PANX1: variants seen among roughly 807,000 people sequenced by gnomAD.
PANX1 encodes pannexin-1.
Under a neutral mutation model 38.7 loss-of-function variants are expected in PANX1, and 30 were observed. The observed-to-expected ratio is 0.78, with a 90% CI of 0.58 to 1.05. The LOEUF (loss-of-function observed/expected upper bound fraction) is 1.05. Among genes scored for constraint, PANX1 ranks in the 50% least tolerant of loss-of-function variants. The pLI is 0.00. For missense variants in PANX1, 551 were observed against 517.2 expected (o/e 1.07, Z -0.63); for synonymous variants, 230 against 212.2 (o/e 1.08, Z -0.73).
At chr11:94,159,038 T>C (rs1591516964) in intron 2 of PANX1, among the ~76,000 whole-genome samples, 3 of 152,248 alleles carry the variant, frequency 2.0e-5, no homozygotes, top group Admixed American at 2.0e-4. Flanking sequence ...TCTGTTTATA[T>C]GCTGGATTAC....
intron 2 of PANX1, among the ~76,000 whole-genome samples, chr11:94,172,902 T>C (rs547730390): frequency 2.0e-5 from 3 of 151,752 alleles, no homozygotes; most frequent in African/African-American, 7.3e-5. Flanking sequence ...TCTCCAGGGC[T>C]CTCCCCATGA....
At chr11:94,179,456 G>T in intron 3 of PANX1, 146 bp from the exon 4 acceptor site, 1 of 601,344 alleles carries the variant, frequency 1.7e-6, no homozygotes. Flanking sequence ...CTTTTAAACG[G>T]ATTTTATTTT....
intron 2 of PANX1, among the ~76,000 whole-genome samples, chr11:94,163,740 C>T (rs763068018): frequency 3.2e-4 from 49 of 152,116 alleles, no homozygotes; most frequent in Middle Eastern, 3.4e-3. Flanking sequence ...AAAATTATTC[C>T]CTCCTCTAAG....
At chr11:94,142,478 C>G (rs12294798) in intron 1 of PANX1, among the ~76,000 whole-genome samples, 3,452 of 152,302 alleles carry the variant, frequency 0.023, 90 homozygotes, top group East Asian at 0.067. Flanking sequence ...GCTCCAGACA[C>G]AGTGGTCTGC....
chr11:94,145,927 TA>T (rs1311128457), intron 1 of PANX1, among the ~76,000 whole-genome samples: 1 of 152,238 alleles, frequency 6.6e-6, no homozygotes, highest in Non-Finnish European at 1.5e-5. Flanking sequence ...TACAATTTTT[TA>T]TAAAAGATTT....
intron 1 of PANX1, among the ~76,000 whole-genome samples, chr11:94,144,598 G>C (rs1292557892): frequency 1.3e-5 from 2 of 152,136 alleles, no homozygotes; most frequent in East Asian, 3.9e-4. Context: ...CTTGGGCCTA[G>C]AGCTCGGGAC....
chr11:94,160,522 C>G (rs11499642), intron 2 of PANX1, among the ~76,000 whole-genome samples: 3,485 of 152,060 alleles, frequency 0.023, 91 homozygotes, highest in East Asian at 0.067. Flanking sequence ...TTTAAAGTCT[C>G]TTTTATCAGA....
At chr11:94,159,650 A>T (rs1248799077) in intron 2 of PANX1, among the ~76,000 whole-genome samples, 1 of 151,564 alleles carries the variant, frequency 6.6e-6, no homozygotes, top group Non-Finnish European at 1.5e-5. Context: ...GCGGTCTATC[A>T]ATTTTGTTGA....
intron 2 of PANX1, among the ~76,000 whole-genome samples, chr11:94,164,348 A>C (rs558984660): frequency 6.6e-6 from 1 of 152,144 alleles, no homozygotes. Flanking sequence ...TGCTTTAAAC[A>C]TCCCTGTTAG....
chr11:94,173,760 T>C (rs370243983), intron 2 of PANX1, among the ~76,000 whole-genome samples: 1 of 151,850 alleles, frequency 6.6e-6, no homozygotes, highest in Admixed American at 6.5e-5. Context: ...TGGAATATAT[T>C]TGATTTTGCC....
intron 2 of PANX1, among the ~76,000 whole-genome samples, chr11:94,171,161 A>G (rs1947162166): frequency 6.6e-6 from 1 of 151,456 alleles, no homozygotes; most frequent in South Asian, 2.1e-4. Flanking sequence ...TGGCACATCT[A>G]GCCTCAGTCT....
At chr11:94,155,798 T>TAGTG (rs1257134976) in intron 2 of PANX1, among the ~76,000 whole-genome samples, 1 of 152,196 alleles carries the variant, frequency 6.6e-6, no homozygotes, top group Non-Finnish European at 1.5e-5. Flanking sequence ...TGGTGCCCTA[T>TAGTG]AGTGACTCTT....
At chr11:94,179,451 A>G in intron 3 of PANX1, 151 bp from the exon 4 acceptor site, 1 of 602,970 alleles carries the variant, frequency 1.7e-6, no homozygotes, top group East Asian at 2.8e-5. Context: ...CTCCTCTTTT[A>G]AACGGATTTT....
intron 1 of PANX1, among the ~76,000 whole-genome samples, chr11:94,140,750 G>T (rs1431039198): frequency 6.6e-6 from 1 of 152,074 alleles, no homozygotes; most frequent in Non-Finnish European, 1.5e-5. Context: ...ATTCCAAAGA[G>T]ATTTTGTTGT....
Position 94,153,343 on chromosome 11 carries a change from C to T in PANX1, c.182-148C>T, listed in dbSNP as rs538675355. 149 of 730,036 alleles carry T rather than the reference C, an allele frequency of 2.0e-4. No individual in the cohort carries two copies. In the African/African-American group the frequency reaches 2.5e-3, roughly 12 times the overall value. 45.2% of individuals were successfully genotyped at this position (730,036 alleles called of 1,614,324 possible). A position where few individuals can be genotyped will look rare whatever the true frequency, so the allele number is the denominator to read the frequency against. On this transcript the variant is annotated intron_variant, in intron 1 of 4. Coordinates refer to ENST00000227638, the MANE Select transcript of PANX1 (RefSeq NM_015368.4). The stretch of plus-strand genomic sequence containing the variant: ...CTGTGATCTTTTGTTTTAATATGAA[C>T]TTGGGTGTTTGTTTTTAGTTCTGTC...
chr11:94,173,666 T>C (rs761931935), intron 2 of PANX1, among the ~76,000 whole-genome samples: 7 of 151,654 alleles, frequency 4.6e-5, no homozygotes, highest in Non-Finnish European at 8.8e-5. Flanking sequence ...ATCTGTCTTC[T>C]CTTCCTGCCT....
rs1034141622 is a variant in PANX1, at chr11:94,136,976, C to T, written c.181+7483C>T. On this transcript the variant is annotated intron_variant, in intron 1 of 4. Coordinates refer to ENST00000227638, the MANE Select transcript of PANX1 (RefSeq NM_015368.4). ...GCGGAAGGCAAACAGGGAGCAGGCACGTCTTATATGGCAGGAGCAGGAGCA... is the reference window on the plus strand; with the variant it reads ...GCGGAAGGCAAACAGGGAGCAGGCATGTCTTATATGGCAGGAGCAGGAGCA... Among the ~76,000 whole-genome samples the T allele has an allele frequency of 5.9e-5, 9 of 151,932 alleles. No homozygotes were observed. In the South Asian group the frequency reaches 1.3e-3, roughly 21 times the overall value.
chr11:94,158,131 G>C (rs1048050425), intron 2 of PANX1, among the ~76,000 whole-genome samples: 2 of 152,212 alleles, frequency 1.3e-5, no homozygotes, highest in African/African-American at 2.4e-5. Context: ...GTACCATGCT[G>C]TTTTGGTTAC....
chr11:94,132,719 T>G (rs1240633411), intron 1 of PANX1, among the ~76,000 whole-genome samples: 2 of 152,144 alleles, frequency 1.3e-5, no homozygotes, highest in Non-Finnish European at 2.9e-5. Context: ...TGATATAAAA[T>G]CCCCTCAAGC....
Sources: gnomAD v4.1 joint callset for allele counts (sites outside exome capture counted in the v4.1 genomes callset) on GRCh38, gnomAD v4.1.1 for gene constraint, MANE v1.5 for transcripts, NCBI Gene and HGNC (gene_info 2026-07-23, HGNC 2026-07-21) for gene names.